The following GRHL1 variants were observed in gnomAD, a reference collection of about 807,000 sequenced individuals.
GRHL1 encodes grainyhead-like protein 1 homolog.
In GRHL1, 38 loss-of-function variants were observed where a neutral mutation model predicts 75.7. The ratio of observed to expected loss-of-function variants is 0.50; its 90% CI spans 0.39 to 0.66. The LOEUF (loss-of-function observed/expected upper bound fraction) is 0.66, where lower values mean the gene tolerates loss of function less well. GRHL1 is among the 30% of genes least tolerant of loss of function. The pLI is 0.00. For synonymous variants in GRHL1, 266 were observed against 279.4 expected (o/e 0.95, Z 0.48); for missense variants, 589 against 767.5 (o/e 0.77, Z 2.75).
At chr2:9,983,954 AGACCAGCCT>A (rs1668308860) in intron 8 of GRHL1, among the ~76,000 whole-genome samples, 1 of 151,972 alleles carries the variant, frequency 6.6e-6, no homozygotes, top group South Asian at 2.1e-4. Flanking sequence ...CAGGAGTTCG[AGACCAGCCT>A]GGCCAATATA....
intron 1 of GRHL1, among the ~76,000 whole-genome samples, chr2:9,952,718 T>C (rs970678456): frequency 6.6e-6 from 1 of 152,222 alleles, no homozygotes; most frequent in Non-Finnish European, 1.5e-5. Flanking sequence ...AAAAACTTAC[T>C]AAAGAAAAAA....
intron 3 of GRHL1, 157 bp downstream of exon 3, chr2:9,959,013 C>T: frequency 8.6e-7 from 1 of 1,158,958 alleles, no homozygotes; most frequent in Non-Finnish European, 1.1e-6. Context: ...ACTGATTTGC[C>T]TCTGTTGCTC....
rs1231838284 is a variant in GRHL1, at chr2:10,002,277, A to G, written c.*1570A>G. 4.6e-5 allele frequency: 7 copies of G among 152,618 alleles called. No individual in the cohort carries two copies. The highest frequency in any genetic ancestry group is 3.9e-4 in the Admixed American group (6 of 15,278). 9.5% of individuals were successfully genotyped at this position (152,618 alleles called of 1,614,324 possible). A position where few individuals can be genotyped will look rare whatever the true frequency, so the allele number is the denominator to read the frequency against. On this transcript the variant is annotated 3_prime_UTR_variant, in exon 16 of 16. Coordinates refer to ENST00000324907, the MANE Select transcript of GRHL1 (RefSeq NM_198182.3). ...TTAAATTTTATATGTCTATTTCGTA[A>G]TATGTCATTTCCTGTTTTTCAATTT...
intron 9 of GRHL1, among the ~76,000 whole-genome samples, chr2:9,986,504 C>A (rs1668422910): frequency 6.6e-6 from 1 of 151,586 alleles, no homozygotes; most frequent in South Asian, 2.1e-4. Context: ...TGCAATTCTG[C>A]CTTCTGGGTT....
intron 14 of GRHL1, 29 bp from the exon 15 acceptor site, chr2:9,998,936 T>G: frequency 8.1e-7 from 1 of 1,240,968 alleles, no homozygotes; most frequent in Non-Finnish European, 1.1e-6. Context: ...GATACAGGGT[T>G]TTGTAATTAT....
intron 9 of GRHL1, among the ~76,000 whole-genome samples, chr2:9,988,902 A>T (rs1668530488): frequency 6.6e-6 from 1 of 152,106 alleles, no homozygotes; most frequent in Non-Finnish European, 1.5e-5. Context: ...TACACAGATA[A>T]ATAAGGAGGG....
In GRHL1 at chr2:9,987,542, TC is replaced by T. The variant is rs1668476728; in HGVS notation, c.1269+1261del. On this transcript the variant is annotated intron_variant, in intron 9 of 15. Coordinates refer to ENST00000324907, the MANE Select transcript of GRHL1 (RefSeq NM_198182.3). The surrounding 1 kb of genome is among the most constrained non-coding windows in gnomAD (Gnocchi z 4.2). Reference sequence around the variant, plus strand: ...CACAGCCCTCTTCCCCAAAGGCCCTTCAATAAGCATGGGGAAGGAGAGGTGC... The same window carrying T: ...CACAGCCCTCTTCCCCAAAGGCCCTTAATAAGCATGGGGAAGGAGAGGTGC... Among the ~76,000 whole-genome samples, 1 of 152,068 alleles carries T rather than the reference TC, an allele frequency of 6.6e-6. No individual in the cohort carries two copies. The highest frequency in any genetic ancestry group is 1.5e-5 in the Non-Finnish European group (1 of 68,022).
rs1299641081 is a variant in GRHL1 at position 9,987,627 on chromosome 2, C to T, written c.1269+1345C>T. On this transcript the variant is annotated intron_variant, in intron 9 of 15. Coordinates refer to ENST00000324907, the MANE Select transcript of GRHL1 (RefSeq NM_198182.3). The surrounding 1 kb of genome is among the most constrained non-coding windows in gnomAD (Gnocchi z 4.2). ...GAAAAAGTGCAGGGCCCAGAGGGAT[C>T]TCTGCATGACCTGTTTTCCCTGGTG... Among the ~76,000 whole-genome samples the T allele has an allele frequency of 6.6e-6, 1 of 152,174 alleles. No homozygotes were observed. Among genetic ancestry groups the T allele is most frequent in the African/African-American group, 2.4e-5 (1 of 41,422 alleles).
At chr2:9,996,008 C>A in intron 13 of GRHL1, 38 bp downstream of exon 13, 1 of 1,210,180 alleles carries the variant, frequency 8.3e-7, no homozygotes, top group Non-Finnish European at 1.2e-6. Flanking sequence ...AGTTTTAAAT[C>A]AGAAGTGAGT....
chr2:9,995,789 A>G, intron 12 of GRHL1, 90 bp from the exon 13 acceptor site: 1 of 737,326 alleles, frequency 1.4e-6, no homozygotes, highest in South Asian at 1.6e-5. Context: ...AGTCATTTTA[A>G]ATCTAGTTCC....
intron 8 of GRHL1, among the ~76,000 whole-genome samples, chr2:9,978,394 G>A (rs541360326): frequency 1.3e-5 from 2 of 152,320 alleles, no homozygotes; most frequent in East Asian, 3.9e-4. Flanking sequence ...TATGTCAGTA[G>A]ACGATGGAGG....
At chr2:10,000,371 A>G (rs1669214861) in intron 15 of GRHL1, among the ~76,000 whole-genome samples, 2 of 152,230 alleles carry the variant, frequency 1.3e-5, no homozygotes, top group South Asian at 2.1e-4. Flanking sequence ...TGATATAAAT[A>G]TATCACCTGA....
chr2:9,985,486 A>T (rs535057435), intron 8 of GRHL1, among the ~76,000 whole-genome samples: 3 of 152,344 alleles, frequency 2.0e-5, no homozygotes, highest in Admixed American at 2.0e-4. Context: ...GGAGTATGGA[A>T]ATAATTGTAA....
intron 8 of GRHL1, among the ~76,000 whole-genome samples, chr2:9,980,253 C>T (rs760537569): frequency 2.4e-4 from 37 of 151,788 alleles, no homozygotes; most frequent in South Asian, 2.1e-3. Context: ...ATGTGGCTGC[C>T]GCGGTGCTTC....
rs1014893813 is a variant in GRHL1 at position 9,968,198 on chromosome 2, G to A, written c.1110+2817G>A. Among the ~76,000 whole-genome samples, 4 of 152,204 alleles carry A rather than the reference G, an allele frequency of 2.6e-5. No individual in the cohort carries two copies. Among genetic ancestry groups the A allele is most frequent in the African/African-American group, 9.7e-5 (4 of 41,448 alleles). ...ATTCCACTTTGGGAAAAACACTGAC[G>A]AAGCTAGGACCTATCTTACACTGGC... On this transcript the variant is annotated intron_variant, in intron 8 of 15. Coordinates refer to ENST00000324907, the MANE Select transcript of GRHL1 (RefSeq NM_198182.3). The surrounding 1 kb of genome is among the most constrained non-coding windows in gnomAD (Gnocchi z 4.7).
intron 8 of GRHL1, among the ~76,000 whole-genome samples, chr2:9,979,169 G>T (rs1379245506): frequency 1.3e-5 from 1 of 74,910 alleles, no homozygotes; most frequent in Non-Finnish European, 2.6e-5. Context: ...AAAAAAAAAG[G>T]AAACCTTATC....
chr2:9,980,752 A>G (rs1166058348), intron 8 of GRHL1, among the ~76,000 whole-genome samples: 1 of 152,262 alleles, frequency 6.6e-6, no homozygotes, highest in Non-Finnish European at 1.5e-5. Flanking sequence ...ACATCTTTCT[A>G]GAGAAGGAAG....
Position 9,998,611 on chromosome 2 carries a change from C to CGT in GRHL1, c.1678-354_1678-353insGT, listed in dbSNP as rs1553307020. Among the ~76,000 whole-genome samples the CGT allele has an allele frequency of 1.8e-4, 8 of 43,420 alleles. 3 individuals are homozygous for CGT. Among genetic ancestry groups the CGT allele is most frequent in the African/African-American group, 1.1e-3 (7 of 6,340 alleles). The allele number at this position is 43,420 out of a possible 152,430, so 28.5% of individuals were successfully genotyped here. ...ATATATATGTACACATATATATATA[C>CGT]ATATATATGTACACATATACATATA... On this transcript the variant is annotated intron_variant, in intron 14 of 15. Coordinates refer to ENST00000324907, the MANE Select transcript of GRHL1 (RefSeq NM_198182.3).
At chr2:9,979,154 A>AAAAAAAAAAAAAAAAAAAAAAAAAAG (rs1668087124) in intron 8 of GRHL1, among the ~76,000 whole-genome samples, 1 of 146,730 alleles carries the variant, frequency 6.8e-6, no homozygotes, top group Non-Finnish European at 1.5e-5. Context: ...TCTCTCTCAA[A>AAAAAAAAAAAAAAAAAAAAAAAAAAG]AAAAAAAAAA....
Sources: allele counts gnomAD v4.1 joint callset (sites outside exome capture counted in the v4.1 genomes callset), GRCh38; gene constraint gnomAD v4.1.1; non-coding constraint Gnocchi (gnomAD v3.1); transcripts MANE v1.5; gene names NCBI Gene and HGNC (gene_info 2026-07-23, HGNC 2026-07-21).